Variants in TRAPPC3 observed in about 807,000 individuals in gnomAD.
TRAPPC3 encodes the protein trafficking protein particle complex subunit 3, also known as trafficking protein particle complex 3.
In TRAPPC3, 5 loss-of-function variants were observed where a neutral mutation model predicts 18.2. The ratio of observed to expected loss-of-function variants is 0.28; its 90% CI spans 0.14 to 0.58. The LOEUF is 0.58. Ranked by LOEUF, TRAPPC3 falls within the 20% of genes least tolerant of loss-of-function variation. The pLI is 0.91. For missense variants in TRAPPC3, 176 were observed against 225.9 expected (o/e 0.78, Z 1.41); for synonymous variants, 65 against 84.2 (o/e 0.77, Z 1.25).
chr1:36,144,772 T>C (rs1394609476), intron 1 of TRAPPC3, among the ~76,000 whole-genome samples: 14 of 152,222 alleles, frequency 9.2e-5, no homozygotes, highest in Admixed American at 7.9e-4. Flanking sequence ...GTAAAATCTG[T>C]CATGCCATTC....
Position 36,137,137 on chromosome 1 carries a change from AG to A in TRAPPC3, c.*65del. On this transcript the variant is annotated 3_prime_UTR_variant, in exon 5 of 5. Transcript: ENST00000373166. ...AGAGTCACTGAGTTCTGGAGGGCAG[AG>A]GGAGCACAGAGGCCTGCTGATTCCA... 2.6e-6 allele frequency: 4 copies of A among 1,560,298 alleles called. No individual in the cohort carries two copies. The highest frequency in any genetic ancestry group is 3.5e-6 in the Non-Finnish European group (4 of 1,138,868).
At chr1:36,143,560 G>A (rs1644148118) in intron 1 of TRAPPC3, among the ~76,000 whole-genome samples, 1 of 152,168 alleles carries the variant, frequency 6.6e-6, no homozygotes, top group Non-Finnish European at 1.5e-5. Context: ...GGATCATAAA[G>A]GTCATAAAGG....
At chr1:36,137,664 A>G in intron 4 of TRAPPC3, 132 bp downstream of exon 4, 1 of 942,092 alleles carries the variant, frequency 1.1e-6, no homozygotes, top group Non-Finnish European at 1.6e-6. Flanking sequence ...CTACCTCAGC[A>G]GCATCACCAT....
At chr1:36,154,643 A>G (rs985766492) in intron 1 of TRAPPC3, among the ~76,000 whole-genome samples, 2 of 152,070 alleles carry the variant, frequency 1.3e-5, no homozygotes, top group Non-Finnish European at 2.9e-5. Flanking sequence ...TTTACTCATC[A>G]ATGCCTTCAT....
chr1:36,141,851 A>G (rs1199597242), intron 1 of TRAPPC3, among the ~76,000 whole-genome samples: 3 of 151,106 alleles, frequency 2.0e-5, no homozygotes, highest in African/African-American at 4.9e-5. Flanking sequence ...CCAGCTACTC[A>G]GGAGGCTAAG....
intron 1 of TRAPPC3, among the ~76,000 whole-genome samples, chr1:36,143,936 A>G (rs1298002394): frequency 1.3e-5 from 2 of 152,226 alleles, no homozygotes; most frequent in Admixed American, 1.3e-4. Context: ...CCTGCTGCAC[A>G]GCAGGTACTC....
Position 36,137,628 on chromosome 1 carries a change from C to A in TRAPPC3, c.423+168G>T. The A allele has an allele frequency of 1.4e-5, 10 of 739,608 alleles. 1 individual carries two copies. The South Asian group carries it at 1.9e-4, about 14-fold the overall frequency. The allele number at this position is 739,608 out of a possible 1,614,324, so 45.8% of individuals were successfully genotyped here. On this transcript the variant is annotated intron_variant, in intron 4 of 4. Coordinates refer to ENST00000373166, the MANE Select transcript of TRAPPC3 (RefSeq NM_014408.5). ...ACCAGCCTGGTATGGAGGAGTATCA[C>A]CATGTAAAGATGTCCGACTTGGATC... is the stretch of plus-strand genomic sequence containing the variant.
chr1:36,138,177 T>G (rs752447999), intron 3 of TRAPPC3, 199 bp from the exon 4 acceptor site: 4 of 1,550,880 alleles, frequency 2.6e-6, no homozygotes, highest in Non-Finnish European at 3.5e-6. Context: ...CACGGCATCA[T>G]ACAGTTTTGC....
intron 1 of TRAPPC3, 32 bp from the exon 2 acceptor site, chr1:36,140,198 A>G: frequency 1.4e-6 from 2 of 1,439,614 alleles, no homozygotes; most frequent in Non-Finnish European, 1.9e-6. Flanking sequence ...GTCAGGACCA[A>G]GCAGCACAAA....
chr1:36,138,828 C>T (rs908561885), intron 3 of TRAPPC3, among the ~76,000 whole-genome samples: 4 of 151,894 alleles, frequency 2.6e-5, no homozygotes, highest in Non-Finnish European at 4.4e-5. Flanking sequence ...GTGGGGAGTT[C>T]AAGACCAGCC....
chr1:36,149,475 C>A lies in TRAPPC3; in HGVS notation c.-97G>T, dbSNP rs974713515. On this transcript the variant is annotated 5_prime_UTR_variant, in exon 1 of 5. Transcript: ENST00000373166. ...AGCCGCTGCCCCTCAGCCCACAAGA[C>A]CGACCGGCACTGACTCACTGCGCCT... 1.3e-6 allele frequency: 2 copies of A among 1,490,424 alleles called. No individual in the cohort carries two copies. The highest frequency in any genetic ancestry group is 1.8e-6 in the Non-Finnish European group (2 of 1,093,072). The allele number at this position is 1,490,424 out of a possible 1,614,324, so 92.3% of individuals were successfully genotyped here.
At chr1:36,149,000 C>G in intron 1 of TRAPPC3, 1 of 1,126,472 alleles carries the variant, frequency 8.9e-7, no homozygotes, top group South Asian at 2.1e-5. Context: ...AGGGGCTACT[C>G]TGCAGATTAA....
chr1:36,138,350 C>A, intron 3 of TRAPPC3: 2 of 1,170,088 alleles, frequency 1.7e-6, no homozygotes, highest in Non-Finnish European at 1.2e-6. Flanking sequence ...TAACCCACTT[C>A]TCTGTCCTCT....
Position 36,139,588 on chromosome 1 carries a change from T to G in TRAPPC3, c.240+132A>C, listed in dbSNP as rs2231315. On this transcript the variant is annotated intron_variant, in intron 3 of 4. Transcript: ENST00000373166. ...CTATTCCCTAACGACCTGGAATGTT[T>G]TTTTGACCCAAAGAGCTGCCTAGCC... The G allele has an allele frequency of 8.1e-3, 10,144 of 1,250,210 alleles. 663 individuals carry two copies. In the African/African-American group the frequency reaches 0.14, roughly 17 times the overall value. The allele number at this position is 1,250,210 out of a possible 1,614,324, so 77.4% of individuals were successfully genotyped here.
At chr1:36,151,941 C>T (rs1043872407), upstream of TRAPPC3, among the ~76,000 whole-genome samples, 1 of 152,140 alleles carries the variant, frequency 6.6e-6, no homozygotes, top group Non-Finnish European at 1.5e-5. Context: ...GGGAGTGGGC[C>T]CTGGGAGCTG....
At chr1:36,150,445 C>A (rs1490070080), upstream of TRAPPC3, among the ~76,000 whole-genome samples, 1 of 152,244 alleles carries the variant, frequency 6.6e-6, no homozygotes, top group Non-Finnish European at 1.5e-5. Context: ...CTCAGCTGGT[C>A]AACTCTGAGG....
intron 1 of TRAPPC3, among the ~76,000 whole-genome samples, chr1:36,147,008 T>A (rs542916414): frequency 6.6e-6 from 1 of 152,194 alleles, no homozygotes; most frequent in Non-Finnish European, 1.5e-5. Context: ...TCCTGCTATG[T>A]GGAGTGTACT....
intron 3 of TRAPPC3, 68 bp from the exon 4 acceptor site, chr1:36,138,046 G>C (rs964062883): frequency 6.2e-7 from 1 of 1,608,752 alleles, no homozygotes; most frequent in Non-Finnish European, 8.5e-7. Flanking sequence ...GAAGGTGACA[G>C]AACTGGCAAA....
chr1:36,147,132 C>T (rs1299921528), intron 1 of TRAPPC3, among the ~76,000 whole-genome samples: 1 of 152,014 alleles, frequency 6.6e-6, no homozygotes, highest in Non-Finnish European at 1.5e-5. Flanking sequence ...GGGGAGATCA[C>T]TTGAGGTCAG....
Sources: allele counts gnomAD v4.1 joint callset (sites outside exome capture counted in the v4.1 genomes callset), GRCh38; gene constraint gnomAD v4.1.1; transcripts MANE v1.5; gene names NCBI Gene and HGNC (gene_info 2026-07-23, HGNC 2026-07-21).